SPART: variants seen among roughly 807,000 people sequenced by gnomAD.
SPART encodes spartin.
SPART carries 35 observed loss-of-function variants against 58.7 expected under a neutral mutation model. The observed-to-expected ratio is 0.60, with a 90% confidence interval of 0.46 to 0.79. The LOEUF is 0.79. Ranked by LOEUF, SPART falls within the 30% of genes least tolerant of loss-of-function variation. The pLI is 0.00. For missense variants in SPART, 730 were observed against 786.1 expected (o/e 0.93, Z 0.85); for synonymous variants, 284 against 280.7 (o/e 1.01, Z -0.12).
chr13:36,324,092 G>T (rs897578906), intron 5 of SPART, among the ~76,000 whole-genome samples: 11 of 152,168 alleles, frequency 7.2e-5, no homozygotes, highest in Non-Finnish European at 7.4e-5. Flanking sequence ...TTCTGAAGAT[G>T]ACCACAAACA....
chr13:36,320,307 G>A (rs1025758427), intron 5 of SPART, among the ~76,000 whole-genome samples: 1 of 152,038 alleles, frequency 6.6e-6, no homozygotes, highest in Admixed American at 6.6e-5. Context: ...CCGGCCTCTC[G>A]CATTATTCTG....
intron 5 of SPART, among the ~76,000 whole-genome samples, chr13:36,320,667 A>G (rs1882281273): frequency 6.6e-6 from 1 of 152,166 alleles, no homozygotes; most frequent in Non-Finnish European, 1.5e-5. Context: ...AGACTGGCAA[A>G]TTAGCTTTAC....
intron 8 of SPART, among the ~76,000 whole-genome samples, chr13:36,308,171 A>G (rs1880709962): frequency 6.6e-6 from 1 of 152,082 alleles, no homozygotes; most frequent in Non-Finnish European, 1.5e-5. Flanking sequence ...AAGCTTTTCC[A>G]TTTCTTCAGT....
upstream of SPART, among the ~76,000 whole-genome samples, chr13:36,349,850 C>A (rs1885343830): frequency 6.6e-6 from 1 of 152,118 alleles, no homozygotes; most frequent in South Asian, 2.1e-4. Context: ...GTGCCAAGCA[C>A]CTGAATAATA....
At chr13:36,308,634 T>G (rs1691153148) in intron 8 of SPART, among the ~76,000 whole-genome samples, 3 of 60,830 alleles carry the variant, frequency 4.9e-5, no homozygotes, top group Non-Finnish European at 9.3e-5. Context: ...TGTAGTTAGG[T>G]AAGTTTTTTT....
intron 1 of SPART, 118 bp from the exon 2 acceptor site, chr13:36,335,950 A>T (rs1883971486): frequency 1.3e-6 from 1 of 792,604 alleles, no homozygotes. Flanking sequence ...TGTTTTGTTC[A>T]CTATTATACT....
chr13:36,326,426 T>G, intron 5 of SPART, 149 bp downstream of exon 5: 1 of 860,544 alleles, frequency 1.2e-6, no homozygotes, highest in Non-Finnish European at 1.8e-6. Flanking sequence ...TTCAAAAGAC[T>G]AGTTCCTTCT....
chr13:36,350,827 T>C (rs112516194), upstream of SPART, among the ~76,000 whole-genome samples: 543 of 152,176 alleles, frequency 3.6e-3, 3 homozygotes, highest in African/African-American at 0.012. Context: ...TTGCATAAAG[T>C]GGGAAAAGTT....
chr13:36,354,588 T>C (rs1885549362), intron 1 of SPART, among the ~76,000 whole-genome samples: 1 of 152,240 alleles, frequency 6.6e-6, no homozygotes, highest in Non-Finnish European at 1.5e-5. Flanking sequence ...TAAGCATGCC[T>C]GTGCCACTCC....
At chr13:36,346,587 A>G (rs929064547), upstream of SPART, 1 of 152,292 alleles carries the variant, frequency 6.6e-6, no homozygotes, top group South Asian at 2.1e-4. Context: ...CTGACCTTCT[A>G]AATGGTACGT....
intron 4 of SPART, among the ~76,000 whole-genome samples, chr13:36,328,565 A>G (rs554341461): frequency 2.0e-5 from 3 of 152,356 alleles, no homozygotes; most frequent in African/African-American, 7.2e-5. Flanking sequence ...TTGGATAGAA[A>G]TGATCTCTTT....
intron 1 of SPART, among the ~76,000 whole-genome samples, chr13:36,352,165 T>G (rs1885440833): frequency 6.6e-6 from 1 of 152,200 alleles, no homozygotes; most frequent in South Asian, 2.1e-4. Context: ...ACTTTTTTCT[T>G]TCTTGAACTC....
intron 1 of SPART, among the ~76,000 whole-genome samples, chr13:36,358,509 A>T (rs1885710687): frequency 6.6e-6 from 1 of 152,212 alleles, no homozygotes; most frequent in Non-Finnish European, 1.5e-5. Context: ...GACAAAAAGA[A>T]GCTATTGGCC....
At chr13:36,354,010 G>A (rs983634310) in intron 1 of SPART, among the ~76,000 whole-genome samples, 2 of 152,196 alleles carry the variant, frequency 1.3e-5, no homozygotes, top group African/African-American at 4.8e-5. Context: ...CAGACTTTAT[G>A]AAGTAGAGTA....
Position 36,304,446 on chromosome 13 carries a change from T to C in SPART, c.1920A>G (p.Glu640=). The C allele has an allele frequency of 6.2e-7, 1 of 1,614,188 alleles. No homozygotes were observed. Among genetic ancestry groups the C allele is most frequent in the Non-Finnish European group, 8.5e-7 (1 of 1,180,022 alleles). ...IVDNSQRENQ[E]GAANVNVRGE... ...CTCTCACGTTGACATTTGCTGCTCC[T>C]TCTTGATTTTCCCTCTGAGAATTAT... The change falls in exon 9 of 9, where the codon GAA becomes GAG. Residue 640 remains glutamate (E), a synonymous_variant. Coordinates refer to ENST00000438666, the MANE Select transcript of SPART (RefSeq NM_015087.5).
At chr13:36,333,307 C>T (rs894557393) in intron 2 of SPART, among the ~76,000 whole-genome samples, 1 of 151,886 alleles carries the variant, frequency 6.6e-6, no homozygotes, top group Non-Finnish European at 1.5e-5. Context: ...TTTGAAGTTC[C>T]AGAATTCTAT....
At position 36,304,333 on chromosome 13, in the gene SPART, A is replaced by AG; in HGVS notation, c.*31dup. On this transcript the variant is annotated 3_prime_UTR_variant, in exon 9 of 9. Coordinates refer to ENST00000438666, the MANE Select transcript of SPART (RefSeq NM_015087.5). ...TTAACAAAATTTCATCCATTTCATA[A>AG]GGCTTTGGTATAAGTGATTCCCAGC... 6.2e-7 allele frequency: 1 copy of AG among 1,613,768 alleles called. No homozygotes were observed. The highest frequency in any genetic ancestry group is 8.5e-7 in the Non-Finnish European group (1 of 1,179,812).
At chr13:36,319,982 A>C (rs1882198937) in intron 5 of SPART, among the ~76,000 whole-genome samples, 1 of 152,074 alleles carries the variant, frequency 6.6e-6, no homozygotes, top group Non-Finnish European at 1.5e-5. Flanking sequence ...CTTCCTAAGC[A>C]CGGTTAGCGC....
At chr13:36,359,938 A>AAAAAAC (rs1555266132) in intron 1 of SPART, among the ~76,000 whole-genome samples, 1 of 151,376 alleles carries the variant, frequency 6.6e-6, no homozygotes, top group Non-Finnish European at 1.5e-5. Context: ...AAAAAAAAAA[A>AAAAAAC]AAAACACCTC....
Sources: allele counts gnomAD v4.1 joint callset (sites outside exome capture counted in the v4.1 genomes callset), GRCh38; gene constraint gnomAD v4.1.1; transcripts MANE v1.5; gene names NCBI Gene and HGNC (gene_info 2026-07-23, HGNC 2026-07-21).